Variants in SEMA3E observed in about 807,000 individuals in gnomAD.
The protein encoded by SEMA3E is semaphorin-3E.
A neutral mutation model predicts 93.6 loss-of-function variants in SEMA3E; 49 were observed. The ratio of observed to expected loss-of-function variants is 0.52; its 90% CI spans 0.42 to 0.66. The LOEUF is 0.66. Among genes scored for constraint, SEMA3E ranks in the 30% least tolerant of loss-of-function variants. The probability of loss-of-function intolerance (pLI) is 0.00; values close to 1 mark genes in which losing one functional copy is unlikely to be tolerated. For missense variants in SEMA3E, 906 were observed against 964.8 expected (o/e 0.94, Z 0.81); for synonymous variants, 363 against 330.7 (o/e 1.10, Z -1.06).
chr7:83,468,067 T>C (rs1487196018), intron 3 of SEMA3E, among the ~76,000 whole-genome samples: 2 of 152,210 alleles, frequency 1.3e-5, no homozygotes, highest in Non-Finnish European at 2.9e-5. Context: ...AATCATCAGT[T>C]ACTGTCACGT....
intron 1 of SEMA3E, among the ~76,000 whole-genome samples, chr7:83,526,422 G>A (rs779244550): frequency 1.3e-5 from 2 of 152,094 alleles, no homozygotes; most frequent in Non-Finnish European, 2.9e-5. Flanking sequence ...TATTGGAGAG[G>A]AAGTAGAAAG....
intron 1 of SEMA3E, among the ~76,000 whole-genome samples, chr7:83,570,887 T>TA (rs752853176): frequency 6.7e-6 from 1 of 150,340 alleles, no homozygotes; most frequent in Non-Finnish European, 1.5e-5. Context: ...CACAGAAATT[T>TA]AAAAAAAGAT....
chr7:83,634,180 A>T (rs1408687274), intron 1 of SEMA3E, among the ~76,000 whole-genome samples: 2 of 152,180 alleles, frequency 1.3e-5, no homozygotes, highest in Non-Finnish European at 2.9e-5. Context: ...GCATAATATT[A>T]TATTCTAAAC....
intron 1 of SEMA3E, among the ~76,000 whole-genome samples, chr7:83,491,316 G>A (rs1183396665): frequency 6.6e-6 from 1 of 151,744 alleles, no homozygotes; most frequent in Non-Finnish European, 1.5e-5. Flanking sequence ...TCAAACTGTT[G>A]ATGCCCAAAA....
chr7:83,510,770 G>A (rs1335640076), intron 1 of SEMA3E, among the ~76,000 whole-genome samples: 1 of 152,122 alleles, frequency 6.6e-6, no homozygotes, highest in Non-Finnish European at 1.5e-5. Context: ...AAGCTACAAA[G>A]CAAATGTGGT....
intron 4 of SEMA3E, among the ~76,000 whole-genome samples, chr7:83,423,672 T>TG (rs1788714725): frequency 6.8e-6 from 1 of 146,948 alleles, no homozygotes; most frequent in African/African-American, 2.6e-5. Flanking sequence ...CCCGGCTAAT[T>TG]TTTTTTTTTT....
At chr7:83,591,608 G>T (rs1792758564) in intron 1 of SEMA3E, among the ~76,000 whole-genome samples, 1 of 151,746 alleles carries the variant, frequency 6.6e-6, no homozygotes, top group Admixed American at 6.6e-5. Flanking sequence ...AATAGAATAG[G>T]AGAAAATTAT....
intron 1 of SEMA3E, among the ~76,000 whole-genome samples, chr7:83,628,420 T>G (rs1793718252): frequency 6.6e-6 from 1 of 152,142 alleles, no homozygotes; most frequent in African/African-American, 2.4e-5. Flanking sequence ...CACTTTCAGG[T>G]ACACCAATGA....
chr7:83,604,665 A>T (rs1284775170), intron 1 of SEMA3E, among the ~76,000 whole-genome samples: 1 of 151,978 alleles, frequency 6.6e-6, no homozygotes, highest in Non-Finnish European at 1.5e-5. Flanking sequence ...TGCACAGAAC[A>T]TGCAGGTTTG....
intron 16 of SEMA3E, among the ~76,000 whole-genome samples, chr7:83,381,268 C>T (rs1787772262): frequency 6.6e-6 from 1 of 151,984 alleles, no homozygotes. Flanking sequence ...GGTTCATGGT[C>T]TATTAGTCTC....
chr7:83,372,374 T>G (rs1794761311), intron 16 of SEMA3E: 1 of 397,188 alleles, frequency 2.5e-6, no homozygotes, highest in East Asian at 3.6e-5. Flanking sequence ...GAATAATACA[T>G]GAGAAAATAT....
At chr7:83,497,215 G>A (rs143046336) in intron 1 of SEMA3E, among the ~76,000 whole-genome samples, 21 of 152,226 alleles carry the variant, frequency 1.4e-4, no homozygotes, top group Middle Eastern at 3.4e-3. Flanking sequence ...TACAAAGACA[G>A]TTCTCTACAC....
intron 1 of SEMA3E, among the ~76,000 whole-genome samples, chr7:83,569,594 C>T (rs78128646): frequency 0.17 from 25,351 of 152,060 alleles, 2,807 homozygotes; most frequent in African/African-American, 0.31. Context: ...ATTCTTATAA[C>T]AGATAAAGTA....
chr7:83,553,512 G>T (rs1490948610), intron 1 of SEMA3E, among the ~76,000 whole-genome samples: 1 of 151,824 alleles, frequency 6.6e-6, no homozygotes, highest in Non-Finnish European at 1.5e-5. Flanking sequence ...ATTTCCTCAG[G>T]GCTAGTACCA....
chr7:83,560,017 C>G (rs1176532655), intron 1 of SEMA3E, among the ~76,000 whole-genome samples: 1 of 151,870 alleles, frequency 6.6e-6, no homozygotes, highest in Non-Finnish European at 1.5e-5. Context: ...AAAGGCAAAA[C>G]AAAGAACACA....
At chr7:83,603,282 C>T (rs1793037387) in intron 1 of SEMA3E, among the ~76,000 whole-genome samples, 1 of 152,044 alleles carries the variant, frequency 6.6e-6, no homozygotes, top group Admixed American at 6.6e-5. Flanking sequence ...TGAACATAAT[C>T]TAATGAGTAT....
At chr7:83,494,813 T>A (rs1215329987) in intron 1 of SEMA3E, among the ~76,000 whole-genome samples, 1 of 151,984 alleles carries the variant, frequency 6.6e-6, no homozygotes, top group Non-Finnish European at 1.5e-5. Flanking sequence ...TGACAATAGC[T>A]CCTGCATTTC....
chr7:83,512,295 A>G (rs1790840847), intron 1 of SEMA3E, among the ~76,000 whole-genome samples: 2 of 152,308 alleles, frequency 1.3e-5, no homozygotes, highest in Non-Finnish European at 1.5e-5. Context: ...AAAGAAAGAA[A>G]GTCTTTGGAG....
At position 83,490,226 on chromosome 7, in the gene SEMA3E, A is replaced by C; in HGVS notation, c.164T>G (p.Phe55Cys). Reference protein sequence around the residue: ...RTSIFHSPFGFLDLHTMLLDE... With the variant: ...RTSIFHSPFGCLDLHTMLLDE... ...CAGCAGCATTGTATGGAGATCAAGA[A>C]ATCCAAAAGGGCTATGAAATATTGA... Residue 55 changes from phenylalanine (F) to cysteine (C), a missense_variant, in exon 2 of 17, where the codon TTT becomes TGT. Phe to Cys is a radical substitution (Grantham distance 205, BLOSUM62 -2). Coordinates refer to ENST00000643230, the MANE Select transcript of SEMA3E (RefSeq NM_012431.3). The C allele has an allele frequency of 6.2e-7, 1 of 1,613,026 alleles. No homozygotes were observed. The highest frequency in any genetic ancestry group is 1.1e-5 in the South Asian group (1 of 91,062).
Sources: gnomAD v4.1 joint callset for allele counts (sites outside exome capture counted in the v4.1 genomes callset) on GRCh38, gnomAD v4.1.1 for gene constraint, MANE v1.5 for transcripts, NCBI Gene and HGNC (gene_info 2026-07-23, HGNC 2026-07-21) for gene names.